The following SLC4A10 variants were observed in gnomAD, a reference collection of about 807,000 sequenced individuals.
SLC4A10 encodes the protein solute carrier family 4 member 10.
A neutral mutation model predicts 137.7 loss-of-function variants in SLC4A10; 42 were observed. The ratio of observed to expected loss-of-function variants is 0.30; its 90% CI spans 0.24 to 0.39. SLC4A10 has a LOEUF of 0.39. SLC4A10 is among the 10% of genes least tolerant of loss of function. SLC4A10 has a pLI of 1.00. For synonymous variants in SLC4A10, 474 were observed against 464.1 expected, an observed-to-expected ratio of 1.02 and a Z score of -0.27; for missense variants, 925 against 1,355.0, an observed-to-expected ratio of 0.68 and a Z score of 4.98.
intron 1 of SLC4A10, among the ~76,000 whole-genome samples, chr2:161,766,437 C>T (rs939875405): frequency 6.6e-6 from 1 of 152,074 alleles, no homozygotes; most frequent in African/African-American, 2.4e-5. Flanking sequence ...TAGGGGAAAA[C>T]ATCTTCTGGC....
chr2:161,784,869 A>G (rs2053447566), intron 2 of SLC4A10, among the ~76,000 whole-genome samples: 1 of 151,516 alleles, frequency 6.6e-6, no homozygotes, highest in Non-Finnish European at 1.5e-5. Flanking sequence ...CTAGACCCAA[A>G]GTTAGCTGAT....
At chr2:161,674,529 A>T (rs1022741200) in intron 1 of SLC4A10, among the ~76,000 whole-genome samples, 1 of 152,188 alleles carries the variant, frequency 6.6e-6, no homozygotes, top group African/African-American at 2.4e-5. Context: ...TAATAGAAGA[A>T]AAGTTTGATT....
chr2:161,794,879 T>C (rs2054591667), intron 2 of SLC4A10, among the ~76,000 whole-genome samples: 1 of 152,046 alleles, frequency 6.6e-6, no homozygotes, highest in Non-Finnish European at 1.5e-5. Context: ...ACTGGTGAGC[T>C]GGGGTAAGCC....
intron 1 of SLC4A10, among the ~76,000 whole-genome samples, chr2:161,721,093 T>C (rs1033820157): frequency 2.0e-5 from 3 of 152,224 alleles, no homozygotes; most frequent in Non-Finnish European, 4.4e-5. Context: ...CCTCCCAAAG[T>C]GCTTGGATTA....
intron 4 of SLC4A10, among the ~76,000 whole-genome samples, chr2:161,846,586 G>A (rs1404211476): frequency 6.6e-6 from 1 of 152,142 alleles, no homozygotes; most frequent in African/African-American, 2.4e-5. Context: ...TCCCCCATGG[G>A]TGACTGATTA....
chr2:161,732,504 T>G (rs1322395983), intron 1 of SLC4A10, among the ~76,000 whole-genome samples: 1 of 152,224 alleles, frequency 6.6e-6, no homozygotes, highest in Non-Finnish European at 1.5e-5. Context: ...TAAAAGATAC[T>G]GACACATTGC....
intron 1 of SLC4A10, among the ~76,000 whole-genome samples, chr2:161,751,524 G>T (rs73005123): frequency 6.6e-6 from 1 of 151,196 alleles, no homozygotes; most frequent in African/African-American, 2.4e-5. Flanking sequence ...GTAGGAACTC[G>T]CCTTTTATTC....
intron 4 of SLC4A10, among the ~76,000 whole-genome samples, chr2:161,844,440 T>C (rs2059372568): frequency 6.6e-6 from 1 of 151,990 alleles, no homozygotes; most frequent in Non-Finnish European, 1.5e-5. Flanking sequence ...TATTCTTTGA[T>C]TACATGTTAT....
chr2:161,904,080 C>A lies in SLC4A10; in HGVS notation c.1519C>A (p.Leu507Met). 2 of 1,603,678 alleles carry A rather than the reference C, an allele frequency of 1.2e-6. No homozygotes were observed. Among genetic ancestry groups the A allele is most frequent in the African/African-American group, 2.7e-5 (2 of 74,922 alleles). ...GAGTGACTTCAGAGATGCTTTCAGCCTGCAGTGCTTAGCATCTTTTCTATT... is the reference window on the plus strand; with the variant it reads ...GAGTGACTTCAGAGATGCTTTCAGCATGCAGTGCTTAGCATCTTTTCTATT... ...FWSDFRDAFS[L>M]QCLASFLFLY... The change falls in exon 13 of 27, where the codon CTG becomes ATG. Residue 507 changes from leucine to methionine, a missense_variant. By Grantham distance (15) the Leu-to-Met change is conservative. Around this residue, in one of 11 missense-constraint regions of SLC4A10, gnomAD observed 61 missense variants for 168.0 expected, o/e 0.36. Coordinates refer to ENST00000446997, the MANE Select transcript of SLC4A10 (RefSeq NM_001178015.2).
At chr2:161,911,382 G>A (rs1315468930) in intron 15 of SLC4A10, among the ~76,000 whole-genome samples, 1 of 151,846 alleles carries the variant, frequency 6.6e-6, no homozygotes. Context: ...TGAAAAAAAA[G>A]GCAAGAGAAA....
chr2:161,876,677 C>T (rs540811800), intron 8 of SLC4A10, among the ~76,000 whole-genome samples: 3 of 152,130 alleles, frequency 2.0e-5, no homozygotes, highest in Admixed American at 6.6e-5. Flanking sequence ...CAAGGAGACC[C>T]TGTCTCAAAA....
At chr2:161,678,345 G>A (rs2040485106) in intron 1 of SLC4A10, among the ~76,000 whole-genome samples, 2 of 152,062 alleles carry the variant, frequency 1.3e-5, no homozygotes, top group South Asian at 2.1e-4. Flanking sequence ...TTATAGAGAG[G>A]AACTTGTACT....
At chr2:161,698,221 GT>G (rs940880179) in intron 1 of SLC4A10, among the ~76,000 whole-genome samples, 42 of 152,156 alleles carry the variant, frequency 2.8e-4, no homozygotes, top group Admixed American at 8.5e-4. Context: ...AGATCATGGG[GT>G]TTTCTAAATA....
At chr2:161,873,530 CAAAA>C (rs759717096) in intron 7 of SLC4A10, among the ~76,000 whole-genome samples, 2 of 17,336 alleles carry the variant, frequency 1.2e-4, no homozygotes, top group Admixed American at 7.4e-4. Context: ...GACCACATCT[CAAAA>C]AAAAAAAAAA....
At chr2:161,876,499 T>C (rs1293946743) in intron 8 of SLC4A10, among the ~76,000 whole-genome samples, 3 of 151,986 alleles carry the variant, frequency 2.0e-5, no homozygotes, top group African/African-American at 7.3e-5. Flanking sequence ...GGCAACATGG[T>C]AAGACCTCAT....
At chr2:161,810,782 G>A (rs560432642) in intron 3 of SLC4A10, among the ~76,000 whole-genome samples, 1 of 151,968 alleles carries the variant, frequency 6.6e-6, no homozygotes, top group African/African-American at 2.4e-5. Context: ...ATTTTGTTGA[G>A]GATTTTGTGT....
intron 1 of SLC4A10, among the ~76,000 whole-genome samples, chr2:161,641,395 C>T (rs1366228207): frequency 6.6e-6 from 1 of 150,434 alleles, no homozygotes; most frequent in South Asian, 2.1e-4. Context: ...GCTAAGCCCC[C>T]CTATATGTTG....
At chr2:161,795,802 T>C (rs2054710136) in intron 2 of SLC4A10, among the ~76,000 whole-genome samples, 1 of 152,126 alleles carries the variant, frequency 6.6e-6, no homozygotes, top group Admixed American at 6.6e-5. Flanking sequence ...ACACTTAGCA[T>C]AGTAGATGGT....
chr2:161,771,027 A>G lies in SLC4A10; in HGVS notation c.103A>G (p.Thr35Ala), dbSNP rs1161093935. The G allele has an allele frequency of 1.9e-6, 3 of 1,604,166 alleles. No homozygotes were observed. The highest frequency in any genetic ancestry group is 1.7e-5 in the Admixed American group (1 of 59,070). The change falls in exon 2 of 27, where the codon ACA becomes GCA. Residue 35 changes from threonine to alanine, a missense_variant. Transcript: ENST00000446997. Reference sequence around the variant, plus strand: ...AGGTGGAACTCGTTCTATTCTCAAAACACACTTTGAGAAAGAAGATTTAGA... The same window carrying G: ...AGGTGGAACTCGTTCTATTCTCAAAGCACACTTTGAGAAAGAAGATTTAGA... Reference protein sequence around the residue: ...DRGGTRSILKTHFEKEDLEGH... With the variant: ...DRGGTRSILKAHFEKEDLEGH...
Sources: gnomAD v4.1 joint callset for allele counts (sites outside exome capture counted in the v4.1 genomes callset) on GRCh38, gnomAD v4.1.1 for gene constraint, gnomAD v4.1.1 regional missense constraint, MANE v1.5 for transcripts, NCBI Gene and HGNC (gene_info 2026-07-23, HGNC 2026-07-21) for gene names.